The following RYR2 variants were observed in gnomAD, a reference collection of about 807,000 sequenced individuals.
RYR2 encodes cardiac muscle ryanodine receptor-calcium release channel.
Under a neutral mutation model 601.1 loss-of-function variants are expected in RYR2, and 227 were observed. The ratio of observed to expected loss-of-function variants is 0.38; its 90% CI spans 0.34 to 0.42. The LOEUF is 0.42. Ranked by LOEUF, RYR2 falls within the 10% of genes least tolerant of loss-of-function variation. RYR2 has a pLI of 1.00. For missense variants in RYR2, 4,646 were observed against 6,156.5 expected, an observed-to-expected ratio of 0.75 and a Z score of 8.21; for synonymous variants, 2,223 against 2,175.1, an observed-to-expected ratio of 1.02 and a Z score of -0.61.
intron 39 of RYR2, among the ~76,000 whole-genome samples, chr1:237,625,406 C>T (rs1679541117): frequency 6.6e-6 from 1 of 152,028 alleles, no homozygotes; most frequent in Non-Finnish European, 1.5e-5. Flanking sequence ...TCTTTTTGGT[C>T]TCTACTCAGT....
At chr1:237,735,533 A>C (rs557844369) in intron 79 of RYR2, among the ~76,000 whole-genome samples, 11 of 152,170 alleles carry the variant, frequency 7.2e-5, no homozygotes, top group Non-Finnish European at 1.2e-4. Context: ...GTTACAGGAC[A>C]TAAGGGAAAA....
intron 62 of RYR2, among the ~76,000 whole-genome samples, chr1:237,682,755 G>A (rs749261568): frequency 5.9e-5 from 9 of 152,100 alleles, no homozygotes; most frequent in South Asian, 2.1e-4. Context: ...TAGAAAAAGC[G>A]TTGGTAAATT....
In RYR2 at chr1:237,331,779, G is replaced by T. The variant is rs556239588; in HGVS notation, c.273+797G>T. ...TCTGCCCACCTTGGCCTCCCAAAGT[G>T]CTGGGATTACAGGCGTGAGCCACCG... On this transcript the variant is annotated intron_variant, in intron 3 of 104. Coordinates refer to ENST00000366574, the MANE Select transcript of RYR2 (RefSeq NM_001035.3). 3.3e-5 allele frequency among the ~76,000 whole-genome samples: 5 copies of T among 151,912 alleles called. No homozygotes were observed. In the South Asian group the frequency reaches 1.0e-3, roughly 32 times the overall value.
chr1:237,524,065 T>C (rs2779352), intron 24 of RYR2, among the ~76,000 whole-genome samples: 75,749 of 151,984 alleles, frequency 0.5, 19,086 homozygotes, highest in East Asian at 0.58. Flanking sequence ...ATGTATCTAC[T>C]CAAGAGAAAT....
intron 1 of RYR2, among the ~76,000 whole-genome samples, chr1:237,171,001 AATAG>A (rs1171120515): frequency 6.6e-6 from 1 of 152,090 alleles, no homozygotes; most frequent in Non-Finnish European, 1.5e-5. Flanking sequence ...TTCTCTTGAA[AATAG>A]ATTCTCCCCA....
rs113142008 is a variant in RYR2 at position 237,312,068 on chromosome 1, A to C, written c.169-18810A>C. 7.5e-3 allele frequency among the ~76,000 whole-genome samples: 1,146 copies of C among 152,282 alleles called. 15 individuals are homozygous for C. Among genetic ancestry groups the C allele is most frequent in the African/African-American group, 0.026 (1,066 of 41,550 alleles). Reference sequence around the variant, plus strand: ...TCAAGAATGAAAATCTTGAAGAGCTACTTTTTATGAGGCTCTGAAGGAAAC... The same window carrying C: ...TCAAGAATGAAAATCTTGAAGAGCTCCTTTTTATGAGGCTCTGAAGGAAAC... On this transcript the variant is annotated intron_variant, in intron 2 of 104. Coordinates refer to ENST00000366574, the MANE Select transcript of RYR2 (RefSeq NM_001035.3).
rs546759890 is a variant in RYR2, at chr1:237,051,108, C to T, written c.48+8539C>T. 1.1e-4 allele frequency among the ~76,000 whole-genome samples: 17 copies of T among 152,130 alleles called. No homozygotes were observed. The South Asian group carries it at 3.5e-3, about 32-fold the overall frequency. ...GTCTGTTGATCTCTGTTATTTCTTC[C>T]AGTGCTTTGGGGTTTTTATTTTTAT... On this transcript the variant is annotated intron_variant, in intron 1 of 104. Transcript: ENST00000366574.
At chr1:237,310,053 G>C (rs1255364003) in intron 2 of RYR2, among the ~76,000 whole-genome samples, 1 of 152,210 alleles carries the variant, frequency 6.6e-6, no homozygotes, top group Non-Finnish European at 1.5e-5. Context: ...CACAGAGAAG[G>C]GCTCCCACAG....
At position 237,595,579 on chromosome 1, in the gene RYR2, G is replaced by A. The variant is rs775280276; in HGVS notation, c.4518G>A (p.Glu1506=). 1 of 1,613,636 alleles carries A rather than the reference G, an allele frequency of 6.2e-7. No individual in the cohort carries two copies. The highest frequency in any genetic ancestry group is 8.5e-7 in the Non-Finnish European group (1 of 1,179,728). The change falls in exon 34 of 105, where the codon GAG becomes GAA. Residue 1506 remains glutamate, a synonymous_variant. Coordinates refer to ENST00000366574, the MANE Select transcript of RYR2 (RefSeq NM_001035.3). The part of the protein sequence containing the change: ...PGQGRNNNGL[E]IGCVVDAASG... Reference sequence around the variant, plus strand: ...AAGGACGCAACAATAATGGACTGGAGATTGGCTGTGTGGTGGATGCTGCCA... The same window carrying A: ...AAGGACGCAACAATAATGGACTGGAAATTGGCTGTGTGGTGGATGCTGCCA...
chr1:237,556,085 A>G (rs2148153655), intron 27 of RYR2, among the ~76,000 whole-genome samples: 1 of 152,250 alleles, frequency 6.6e-6, no homozygotes, highest in Non-Finnish European at 1.5e-5. Flanking sequence ...GTTTTATACT[A>G]TTTGTAGCTA....
chr1:237,444,855 T>G (rs1235573406), intron 13 of RYR2, among the ~76,000 whole-genome samples: 1 of 152,216 alleles, frequency 6.6e-6, no homozygotes, highest in African/African-American at 2.4e-5. Flanking sequence ...ATTTAGATGA[T>G]TTATAAGCAT....
At chr1:237,648,658 C>A in intron 49 of RYR2, 45 bp downstream of exon 49, 1 of 1,569,284 alleles carries the variant, frequency 6.4e-7, no homozygotes, top group Non-Finnish European at 8.7e-7. Context: ...ACTCTTCACT[C>A]TGTGCCTTAT....
Position 237,828,407 on chromosome 1 carries a change from C to T in RYR2, c.14617C>T (p.Leu4873=), listed in dbSNP as rs1663400290. The change falls in exon 102 of 105, where the codon CTA becomes TTA. Residue 4873 remains leucine (L), a synonymous_variant. Transcript: ENST00000366574. ...QGLIIDAFGE[L]RDQQEQVKED... Reference sequence around the variant, plus strand: ...TCTAATTATTGATGCTTTTGGAGAACTAAGAGACCAACAGGAACAAGTCAA... The same window carrying T: ...TCTAATTATTGATGCTTTTGGAGAATTAAGAGACCAACAGGAACAAGTCAA... 1.9e-6 allele frequency: 3 copies of T among 1,566,028 alleles called. No homozygotes were observed. Among genetic ancestry groups the T allele is most frequent in the Admixed American group, 3.7e-5 (2 of 53,368 alleles).
intron 1 of RYR2, among the ~76,000 whole-genome samples, chr1:237,145,238 A>G (rs1673880924): frequency 6.6e-6 from 1 of 152,166 alleles, no homozygotes; most frequent in Non-Finnish European, 1.5e-5. Flanking sequence ...AAAAAAGAAA[A>G]AAAGAAAAAG....
At chr1:237,308,936 T>G (rs1694216363) in intron 2 of RYR2, among the ~76,000 whole-genome samples, 1 of 152,230 alleles carries the variant, frequency 6.6e-6, no homozygotes, top group African/African-American at 2.4e-5. Context: ...TGCTGATTGG[T>G]GCGTTTAGAA....
At chr1:237,179,602 A>G (rs1558377672) in intron 1 of RYR2, among the ~76,000 whole-genome samples, 1 of 152,050 alleles carries the variant, frequency 6.6e-6, no homozygotes, top group African/African-American at 2.4e-5. Context: ...CTGAGATGGA[A>G]TTCTTCTTGT....
At chr1:237,804,204 C>G (rs1558453059) in intron 98 of RYR2, among the ~76,000 whole-genome samples, 1 of 151,836 alleles carries the variant, frequency 6.6e-6, no homozygotes, top group Non-Finnish European at 1.5e-5. Flanking sequence ...CTTGAACTTG[C>G]CCTCAAGCCT....
chr1:237,042,314 GC>G lies in RYR2; in HGVS notation c.-204del, dbSNP rs1360085702. ...CTCCCGCACAGTGCGGAGCAGGGAG[GC>G]CCCGCGCCTCGACCACCCGCGCCCG... is the stretch of plus-strand genomic sequence containing the variant. On this transcript the variant is annotated 5_prime_UTR_variant, in exon 1 of 105. Transcript: ENST00000366574. The G allele has an allele frequency of 3.7e-6, 1 of 267,238 alleles. No individual in the cohort carries two copies. The highest frequency in any genetic ancestry group is 2.3e-5 in the African/African-American group (1 of 44,246). The allele number at this position is 267,238 out of a possible 1,614,324, so 16.6% of individuals were successfully genotyped here.
At chr1:237,257,901 C>T (rs1000976661) in intron 1 of RYR2, among the ~76,000 whole-genome samples, 5 of 152,168 alleles carry the variant, frequency 3.3e-5, no homozygotes, top group Admixed American at 6.5e-5. Context: ...CAGTAGCTCA[C>T]GCCTGTAATC....
Sources: allele counts gnomAD v4.1 joint callset (sites outside exome capture counted in the v4.1 genomes callset), GRCh38; gene constraint gnomAD v4.1.1; transcripts MANE v1.5; gene names NCBI Gene and HGNC (gene_info 2026-07-23, HGNC 2026-07-21).